Variants in B3GALT5 observed in about 807,000 individuals in gnomAD.
B3GALT5 encodes UDP-Gal:betaGlcNAc beta 1,3-galactosyltransferase, polypeptide 5.
For missense variants in B3GALT5, 328 were observed against 396.6 expected (o/e 0.83, Z 1.47); for synonymous variants, 156 against 158.6 (o/e 0.98, Z 0.12).
chr21:39,663,567 G>A lies in B3GALT5; in HGVS notation c.*2075G>A, dbSNP rs903142166. On this transcript the variant is annotated 3_prime_UTR_variant, in exon 4 of 4. Transcript: ENST00000684187. ...ATCTCGCTGCAGCCTTGAACTCAAC[G>A]AGCCTCAAACGAGCCTCCTGCCTCA... 3.3e-5 allele frequency: 5 copies of A among 151,556 alleles called. No homozygotes were observed. Among genetic ancestry groups the A allele is most frequent in the African/African-American group, 1.2e-4 (5 of 41,256 alleles). 9.4% of individuals were successfully genotyped at this position (151,556 alleles called of 1,614,324 possible).
At chr21:39,656,998 G>A (rs909262290) in intron 2 of B3GALT5, among the ~76,000 whole-genome samples, 13 of 152,216 alleles carry the variant, frequency 8.5e-5, no homozygotes, top group South Asian at 2.1e-4. Context: ...GGCAGAGGGC[G>A]GGAGCCAGCA....
intron 2 of B3GALT5, among the ~76,000 whole-genome samples, chr21:39,650,790 A>G (rs1187772952): frequency 2.0e-5 from 3 of 152,130 alleles, no homozygotes; most frequent in Admixed American, 6.5e-5. Flanking sequence ...TTTGCTTAGT[A>G]GAAAAAAATT....
At position 39,664,758 on chromosome 21, in the gene B3GALT5, TCTC is replaced by T. The variant is rs563669366; in HGVS notation, c.*3272_*3274del. Reference sequence around the variant, plus strand: ...GCTGGGTCCTGTGGGCAGTTCTTGTTCTCCTCCTGCTTGACGTGGCGAGTCCTC... The same window carrying T: ...GCTGGGTCCTGTGGGCAGTTCTTGTTCTCCTGCTTGACGTGGCGAGTCCTC... On this transcript the variant is annotated 3_prime_UTR_variant, in exon 4 of 4. Transcript: ENST00000684187. 2.1e-3 allele frequency: 316 copies of T among 152,660 alleles called. 1 individual carries two copies. The highest frequency in any genetic ancestry group is 3.4e-3 in the Non-Finnish European group (235 of 68,244). 9.5% of individuals were successfully genotyped at this position (152,660 alleles called of 1,614,324 possible).
At chr21:39,639,390 C>CTT (rs1569212298) in intron 1 of B3GALT5, among the ~76,000 whole-genome samples, 13 of 114,714 alleles carry the variant, frequency 1.1e-4, no homozygotes, top group South Asian at 3.0e-4. Flanking sequence ...TTCCTTCCTT[C>CTT]CTTCTTTCTT....
intron 2 of B3GALT5, among the ~76,000 whole-genome samples, chr21:39,658,886 C>T (rs1161125613): frequency 1.3e-5 from 2 of 151,970 alleles, no homozygotes; most frequent in Non-Finnish European, 2.9e-5. Context: ...TTGCTTTTGG[C>T]GAATATATGT....
rs1356955961 is a variant in B3GALT5 at position 39,666,665 on chromosome 21, C to G, written c.*5173C>G. 1 of 152,386 alleles carries G rather than the reference C, an allele frequency of 6.6e-6. No homozygotes were observed. Among genetic ancestry groups the G allele is most frequent in the Non-Finnish European group, 1.5e-5 (1 of 68,184 alleles). 9.4% of individuals were successfully genotyped at this position (152,386 alleles called of 1,614,324 possible). ...AAGACCAGACCTCCTGACCCTTCAG[C>G]CTGCTGGCATCCACCATGCCTTAAA... On this transcript the variant is annotated 3_prime_UTR_variant, in exon 4 of 4. Transcript: ENST00000684187.
chr21:39,622,196 T>G (rs1266696720), intron 1 of B3GALT5, among the ~76,000 whole-genome samples: 1 of 152,126 alleles, frequency 6.6e-6, no homozygotes, highest in African/African-American at 2.4e-5. Flanking sequence ...TATGTTTTTA[T>G]TGTTGATTTT....
chr21:39,650,526 G>C (rs186167695), intron 2 of B3GALT5, among the ~76,000 whole-genome samples: 2 of 152,158 alleles, frequency 1.3e-5, no homozygotes, highest in Non-Finnish European at 2.9e-5. Context: ...CAAGCAGATG[G>C]GAAAGGCTGA....
chr21:39,653,372 C>A (rs778494753), intron 2 of B3GALT5, among the ~76,000 whole-genome samples: 1 of 152,204 alleles, frequency 6.6e-6, no homozygotes, highest in Non-Finnish European at 1.5e-5. Flanking sequence ...TCCAAATTCA[C>A]CCTTTTTGCC....
intron 2 of B3GALT5, 24 bp from the exon 3 acceptor site, chr21:39,659,729 A>G: frequency 2.0e-6 from 2 of 981,038 alleles, no homozygotes; most frequent in Non-Finnish European, 2.4e-6. Context: ...GATTTGAATG[A>G]CACTCTTTTT....
chr21:39,642,333 A>G (rs2079296374), intron 1 of B3GALT5, among the ~76,000 whole-genome samples: 1 of 152,240 alleles, frequency 6.6e-6, no homozygotes, highest in African/African-American at 2.4e-5. Context: ...AAAGTTAGTA[A>G]TAAATGGTAA....
chr21:39,639,355 C>CTTTCTTTCTTTTT (rs1569212210), intron 1 of B3GALT5, among the ~76,000 whole-genome samples: 15 of 79,520 alleles, frequency 1.9e-4, no homozygotes, highest in Non-Finnish European at 2.1e-4. Context: ...TCTTTCCTTC[C>CTTTCTTTCTTTTT]TTCCTTCCTT....
chr21:39,639,476 CT>C (rs2079271971), intron 1 of B3GALT5, among the ~76,000 whole-genome samples: 2 of 116,354 alleles, frequency 1.7e-5, no homozygotes, highest in Non-Finnish European at 3.9e-5. Context: ...CTCTCTCTCT[CT>C]CTTTCTTTCT....
intron 1 of B3GALT5, among the ~76,000 whole-genome samples, chr21:39,627,543 C>T (rs1475753824): frequency 6.6e-6 from 1 of 151,956 alleles, no homozygotes; most frequent in Non-Finnish European, 1.5e-5. Flanking sequence ...TTCAGTCGAT[C>T]CCCTTTCACC....
At position 39,641,778 on chromosome 21, in the gene B3GALT5, A is replaced by G. The variant is rs538960899; in HGVS notation, c.-391-4614A>G. Among the ~76,000 whole-genome samples, 12 of 152,348 alleles carry G rather than the reference A, an allele frequency of 7.9e-5. No individual in the cohort carries two copies. The South Asian group carries it at 2.5e-3, about 32-fold the overall frequency. ...TATAATTCTTCATATATTCTATCAT[A>G]TAATACATGCTCTCTTTCTCCTGGT... On this transcript the variant is annotated intron_variant, in intron 1 of 3. Coordinates refer to ENST00000684187, the MANE Select transcript of B3GALT5 (RefSeq NM_001356336.2).
chr21:39,623,918 T>A (rs1031471158), intron 1 of B3GALT5, among the ~76,000 whole-genome samples: 1 of 152,212 alleles, frequency 6.6e-6, no homozygotes, highest in African/African-American at 2.4e-5. Context: ...GGAACCCTTA[T>A]CAGAGTAAGC....
At chr21:39,614,073 G>A (rs2079094942) in intron 1 of B3GALT5, among the ~76,000 whole-genome samples, 1 of 152,166 alleles carries the variant, frequency 6.6e-6, no homozygotes, top group Non-Finnish European at 1.5e-5. Flanking sequence ...GTAGGCAGTG[G>A]CTGCTGTTGA....
chr21:39,635,552 C>T lies in B3GALT5; in HGVS notation c.-391-10840C>T, dbSNP rs141615696. Among the ~76,000 whole-genome samples, 615 of 152,248 alleles carry T rather than the reference C, an allele frequency of 4.0e-3. 5 individuals carry two copies. The highest frequency in any genetic ancestry group is 0.014 in the African/African-American group (590 of 41,536). ...GGAGTGCAATGGTGCGATCTCAGCT[C>T]ACTGCAACCTCTGCCTCCTGGGTTC... On this transcript the variant is annotated intron_variant, in intron 1 of 3. Coordinates refer to ENST00000684187, the MANE Select transcript of B3GALT5 (RefSeq NM_001356336.2).
At chr21:39,639,335 TTTCTTTCTTTCTTTCCTTCCTTCCTTCC>T (rs2079258548) in intron 1 of B3GALT5, among the ~76,000 whole-genome samples, 2 of 118,380 alleles carry the variant, frequency 1.7e-5, no homozygotes, top group African/African-American at 6.5e-5. Flanking sequence ...TCTTTCTTTC[TTTCTTTCTTTCTTTCCTTCCTTCCTTCC>T]TTCCTTCCTT....
Sources: allele counts gnomAD v4.1 joint callset (sites outside exome capture counted in the v4.1 genomes callset), GRCh38; gene constraint gnomAD v4.1.1; transcripts MANE v1.5; gene names NCBI Gene and HGNC (gene_info 2026-07-23, HGNC 2026-07-21).